Variants in ALDH3A2 observed in about 807,000 individuals in gnomAD.
ALDH3A2 encodes the protein aldehyde dehydrogenase 3 family member A2.
Under a neutral mutation model 51.3 loss-of-function variants are expected in ALDH3A2, and 36 were observed. That is an observed-to-expected ratio of 0.70 (90% CI 0.54 to 0.93). The LOEUF is 0.93. ALDH3A2 is among the 40% of genes least tolerant of loss of function. The pLI is 0.00. For synonymous variants in ALDH3A2, 199 were observed against 219.8 expected, an observed-to-expected ratio of 0.91 and a Z score of 0.84; for missense variants, 552 against 603.1, an observed-to-expected ratio of 0.92 and a Z score of 0.89.
intron 3 of ALDH3A2, among the ~76,000 whole-genome samples, chr17:19,655,121 G>A (rs1355313902): frequency 1.3e-5 from 2 of 152,176 alleles, no homozygotes; most frequent in Non-Finnish European, 2.9e-5. Context: ...GAAGAAATTG[G>A]CACTGCTGAG....
At chr17:19,665,411 T>TGTGTGTGTGTGTG (rs1567604531) in intron 8 of ALDH3A2, among the ~76,000 whole-genome samples, 3 of 144,280 alleles carry the variant, frequency 2.1e-5, no homozygotes, top group African/African-American at 8.3e-5. Context: ...GTGTGTGTGG[T>TGTGTGTGTGTGTG]GTGTGTGTTT....
Position 19,656,495 on chromosome 17 carries a change from CTGACCCCTG to C in ALDH3A2, c.606_614del (p.Pro203_Thr205del). 6.2e-7 allele frequency: 1 copy of C among 1,614,190 alleles called. No homozygotes were observed. The highest frequency in any genetic ancestry group is 8.5e-7 in the Non-Finnish European group (1 of 1,180,034). On this transcript the variant is annotated inframe_deletion, in exon 4 of 10. Coordinates refer to ENST00000176643, the MANE Select transcript of ALDH3A2 (RefSeq NM_000382.3). ...TGTCATGGAAGCTGCTGCCAAGCAT[CTGACCCCTG>C]TGACTCTTGAACTGGGAGGGAAAAG...
At chr17:19,651,124 G>A (rs2084809006) in intron 1 of ALDH3A2, among the ~76,000 whole-genome samples, 1 of 152,216 alleles carries the variant, frequency 6.6e-6, no homozygotes, top group African/African-American at 2.4e-5. Flanking sequence ...AAATGTGAGT[G>A]ATAGTTATAA....
In ALDH3A2 at chr17:19,675,765, A is replaced by T; in HGVS notation, c.*193A>T. On this transcript the variant is annotated 3_prime_UTR_variant, in exon 10 of 10. Transcript: ENST00000176643. Reference sequence around the variant, plus strand: ...TTCAACTACGTCCCAACATTCCCTAATAGGGTATTCAGGGAACCTGTCTTA... The same window carrying T: ...TTCAACTACGTCCCAACATTCCCTATTAGGGTATTCAGGGAACCTGTCTTA... The T allele has an allele frequency of 1.5e-6, 1 of 661,754 alleles. No homozygotes were observed. Among genetic ancestry groups the T allele is most frequent in the Non-Finnish European group, 2.7e-6 (1 of 376,126 alleles). The allele number at this position is 661,754 out of a possible 1,614,324, so 41.0% of individuals were successfully genotyped here.
intron 2 of ALDH3A2, 148 bp from the exon 3 acceptor site, chr17:19,652,399 A>G: frequency 1.5e-6 from 1 of 653,270 alleles, no homozygotes; most frequent in Non-Finnish European, 2.7e-6. Context: ...AAGTGAGATG[A>G]GCTCTTATGC....
chr17:19,656,454 C>G lies in ALDH3A2; in HGVS notation c.560C>G (p.Thr187Ser). 1 of 1,614,194 alleles carries G rather than the reference C, an allele frequency of 6.2e-7. No homozygotes were observed. Among genetic ancestry groups the G allele is most frequent in the Non-Finnish European group, 8.5e-7 (1 of 1,180,028 alleles). ...RFDHIFYTGN[T>S]AVGKIVMEAA... The stretch of plus-strand genomic sequence containing the variant: ...GACCACATTTTCTATACGGGAAACA[C>G]TGCGGTTGGCAAAATTGTCATGGAA... Residue 187 changes from threonine (T) to serine (S), a missense_variant, in exon 4 of 10, where the codon ACT (threonine) becomes AGT (serine). Thr to Ser is a moderately conservative substitution (Grantham distance 58). Coordinates refer to ENST00000176643, the MANE Select transcript of ALDH3A2 (RefSeq NM_000382.3).
chr17:19,652,407 T>A, intron 2 of ALDH3A2, 140 bp from the exon 3 acceptor site: 2 of 675,580 alleles, frequency 3.0e-6, no homozygotes, highest in Non-Finnish European at 2.6e-6. Context: ...TGAGCTCTTA[T>A]GCTAATTATG....
intron 8 of ALDH3A2, among the ~76,000 whole-genome samples, chr17:19,668,180 CT>C (rs1194317604): frequency 6.6e-6 from 1 of 151,970 alleles, no homozygotes; most frequent in Non-Finnish European, 1.5e-5. Flanking sequence ...TAAGAAAATC[CT>C]CAGTCCTATC....
chr17:19,657,778 C>G lies in ALDH3A2; in HGVS notation c.714C>G (p.Gly238=). ...RITWGKYMNC[G]QTCIAPDYIL... ...CCTGGGGAAAATACATGAATTGTGG[C>G]CAAACCTGCATTGCACCCGACTATA... Residue 238 remains glycine, a synonymous_variant, in exon 5 of 10, where the codon GGC becomes GGG. Transcript: ENST00000176643. 6.2e-7 allele frequency: 1 copy of G among 1,613,986 alleles called. No homozygotes were observed. Among genetic ancestry groups the G allele is most frequent in the Non-Finnish European group, 8.5e-7 (1 of 1,179,916 alleles).
intron 8 of ALDH3A2, among the ~76,000 whole-genome samples, chr17:19,668,617 T>TGGC (rs1421382707): frequency 0.26 from 37,851 of 144,396 alleles, 5,815 homozygotes; most frequent in East Asian, 0.46. Context: ...TTTCCCTATT[T>TGGC]CATTATTATA....
At chr17:19,655,669 T>A (rs544819086) in intron 3 of ALDH3A2, among the ~76,000 whole-genome samples, 1 of 152,388 alleles carries the variant, frequency 6.6e-6, no homozygotes, top group South Asian at 2.1e-4. Context: ...TCTGTCTTCC[T>A]TGCTTGCCAT....
chr17:19,657,937 C>A, intron 5 of ALDH3A2, 75 bp downstream of exon 5: 1 of 1,201,442 alleles, frequency 8.3e-7, no homozygotes, highest in Non-Finnish European at 1.2e-6. Context: ...CAGGCAGCAT[C>A]CCCATTTGTT....
chr17:19,654,970 A>C lies in ALDH3A2; in HGVS notation c.472-1396A>C, dbSNP rs1002621155. Among the ~76,000 whole-genome samples the C allele has an allele frequency of 6.6e-6, 1 of 152,262 alleles. No individual in the cohort carries two copies. Among genetic ancestry groups the C allele is most frequent in the African/African-American group, 2.4e-5 (1 of 41,474 alleles). On this transcript the variant is annotated intron_variant, in intron 3 of 9. Coordinates refer to ENST00000176643, the MANE Select transcript of ALDH3A2 (RefSeq NM_000382.3). This position sits in a 1 kb window ranked among gnomAD's most constrained non-coding sequence, Gnocchi z 4.5. Reference sequence around the variant, plus strand: ...AAAGTGCCCTCCTGAACTAGAGGGCAGATCCTCACACTGACTTAACATGCT... The same window carrying C: ...AAAGTGCCCTCCTGAACTAGAGGGCCGATCCTCACACTGACTTAACATGCT...
In ALDH3A2 at chr17:19,648,863, A is replaced by G. The variant is rs996997169; in HGVS notation, c.-109A>G. The G allele has an allele frequency of 4.3e-5, 60 of 1,388,722 alleles. No homozygotes were observed. Among genetic ancestry groups the G allele is most frequent in the Non-Finnish European group, 5.8e-5 (59 of 1,019,156 alleles). The allele number at this position is 1,388,722 out of a possible 1,614,324, so 86.0% of individuals were successfully genotyped here. A position where few individuals can be genotyped will look rare whatever the true frequency, so the allele number is the denominator to read the frequency against. ...GTGGCTGTGGGTTGACGGTGGAGACACCCCCCGGAGGGAGGCGGAGGGAAG... is the reference window on the plus strand; with the variant it reads ...GTGGCTGTGGGTTGACGGTGGAGACGCCCCCCGGAGGGAGGCGGAGGGAAG... On this transcript the variant is annotated 5_prime_UTR_variant, in exon 1 of 10. Transcript: ENST00000176643.
intron 9 of ALDH3A2, chr17:19,675,233 A>G: frequency 3.5e-6 from 1 of 289,524 alleles, no homozygotes; most frequent in Non-Finnish European, 6.4e-6. Flanking sequence ...TTCCTACTGA[A>G]AATGCTAGGA....
chr17:19,649,250 C>T, intron 1 of ALDH3A2, 126 bp downstream of exon 1: 1 of 1,322,922 alleles, frequency 7.6e-7, no homozygotes, highest in Non-Finnish European at 1.0e-6. Flanking sequence ...AGTATGATCT[C>T]CAGCGATACA....
intron 1 of ALDH3A2, 110 bp from the exon 2 acceptor site, chr17:19,651,437 A>G: frequency 1.1e-6 from 1 of 924,856 alleles, no homozygotes; most frequent in South Asian, 1.3e-5. Flanking sequence ...AGCTAGTCTG[A>G]TAATGCCAGT....
chr17:19,653,171 A>C (rs1567598038), intron 3 of ALDH3A2, among the ~76,000 whole-genome samples: 4 of 151,632 alleles, frequency 2.6e-5, no homozygotes, highest in African/African-American at 9.7e-5. Flanking sequence ...CAGCCTCCCA[A>C]GTAGCTGGGA....
At chr17:19,656,964 C>A (rs1164658581) in intron 4 of ALDH3A2, among the ~76,000 whole-genome samples, 1 of 152,188 alleles carries the variant, frequency 6.6e-6, no homozygotes, top group Non-Finnish European at 1.5e-5. Context: ...GATATCTTAA[C>A]TGAGATCCTT....
Sources: allele counts gnomAD v4.1 joint callset (sites outside exome capture counted in the v4.1 genomes callset), GRCh38; gene constraint gnomAD v4.1.1; non-coding constraint Gnocchi (gnomAD v3.1); transcripts MANE v1.5; gene names NCBI Gene and HGNC (gene_info 2026-07-23, HGNC 2026-07-21).